Variants in GSE1 observed in about 807,000 individuals in gnomAD.
GSE1 encodes the protein Gse1 coiled-coil protein.
Under a neutral mutation model 112.6 loss-of-function variants are expected in GSE1, and 32 were observed. The ratio of observed to expected loss-of-function variants is 0.28; its 90% confidence interval spans 0.21 to 0.38. The LOEUF is 0.38. GSE1 is among the 10% of genes least tolerant of loss of function. The pLI, the probability that GSE1 is intolerant of heterozygous loss-of-function variation, is 1.00. For missense variants in GSE1, 2,348 were observed against 1,699.2 expected (o/e 1.38, Z -6.71); for synonymous variants, 1,115 against 735.6 (o/e 1.52, Z -8.35).
At chr16:85,569,548 C>T (rs2045895818) in intron 1 of GSE1, among the ~76,000 whole-genome samples, 1 of 152,200 alleles carries the variant, frequency 6.6e-6, no homozygotes. Flanking sequence ...AGTGTGGTGT[C>T]TAGGCTGTCA....
intron 1 of GSE1, among the ~76,000 whole-genome samples, chr16:85,267,071 G>A (rs990172294): frequency 2.6e-5 from 4 of 152,166 alleles, no homozygotes; most frequent in Non-Finnish European, 5.9e-5. Context: ...TGCGTCTCCC[G>A]CTCAGCTAAT....
At chr16:85,200,162 T>C (rs2075002085) in intron 1 of GSE1, among the ~76,000 whole-genome samples, 1 of 152,148 alleles carries the variant, frequency 6.6e-6, no homozygotes, top group South Asian at 2.1e-4. Context: ...CCTTCAAATA[T>C]GCTCGGATCC....
chr16:85,337,061 C>T (rs917451980), intron 1 of GSE1, among the ~76,000 whole-genome samples: 5 of 152,232 alleles, frequency 3.3e-5, no homozygotes, highest in Admixed American at 1.3e-4. Context: ...CATATGCACA[C>T]ACCCTGGGTC....
At chr16:85,397,685 T>A (rs533189131) in intron 2 of GSE1, among the ~76,000 whole-genome samples, 25 of 152,338 alleles carry the variant, frequency 1.6e-4, no homozygotes, top group Non-Finnish European at 3.2e-4. Flanking sequence ...TGGCCCCCTC[T>A]GGAGGACGCG....
In GSE1 at chr16:85,672,548, C is replaced by T; in HGVS notation, c.*9C>T. The T allele has an allele frequency of 6.3e-7, 1 of 1,594,046 alleles. No homozygotes were observed. The highest frequency in any genetic ancestry group is 8.6e-7 in the Non-Finnish European group (1 of 1,164,514). On this transcript the variant is annotated 3_prime_UTR_variant, in exon 16 of 16. Coordinates refer to ENST00000253458, the MANE Select transcript of GSE1 (RefSeq NM_014615.5). Reference sequence around the variant, plus strand: ...AGGGATATCCCAGGTGACGGTTTCCCTTGCACTAGGCCGAACCTATAGTAT... The same window carrying T: ...AGGGATATCCCAGGTGACGGTTTCCTTTGCACTAGGCCGAACCTATAGTAT...
intron 1 of GSE1, among the ~76,000 whole-genome samples, chr16:85,214,730 C>A (rs1341190845): frequency 6.6e-6 from 1 of 152,160 alleles, no homozygotes; most frequent in East Asian, 1.9e-4. Flanking sequence ...GGGGTGCAGG[C>A]GACTAGAGCC....
intron 1 of GSE1, among the ~76,000 whole-genome samples, chr16:85,271,146 T>C (rs1908790433): frequency 6.6e-6 from 1 of 152,036 alleles, no homozygotes; most frequent in African/African-American, 2.4e-5. Flanking sequence ...TACTAGTGTC[T>C]GTGGGAATTG....
intron 1 of GSE1, among the ~76,000 whole-genome samples, chr16:85,309,807 G>A (rs951378867): frequency 4.6e-5 from 7 of 152,376 alleles, no homozygotes; most frequent in East Asian, 1.9e-4. Context: ...TTGGGGTTTC[G>A]GGTGAAGGGT....
chr16:85,662,416 A>T (rs1050295583), intron 9 of GSE1: 1 of 153,264 alleles, frequency 6.5e-6, no homozygotes, highest in African/African-American at 2.4e-5. Flanking sequence ...CCTCCTCTTC[A>T]ATAGAAGCTG....
chr16:85,207,667 A>C (rs1313919292), intron 1 of GSE1: 3 of 152,208 alleles, frequency 2.0e-5, no homozygotes, highest in Non-Finnish European at 4.4e-5. Context: ...TCTGCCGTTG[A>C]CCAGCGGGGT....
chr16:85,284,396 C>T (rs572053029), intron 1 of GSE1, among the ~76,000 whole-genome samples: 5 of 152,324 alleles, frequency 3.3e-5, no homozygotes, highest in South Asian at 2.1e-4. Context: ...ATCTGCTCGG[C>T]GAGGACTCTG....
At chr16:85,664,708 A>G (rs1032688798) in intron 11 of GSE1, 5 of 249,884 alleles carry the variant, frequency 2.0e-5, no homozygotes, top group African/African-American at 6.7e-5. Context: ...CTGACTTGAA[A>G]TAAGAATACA....
chr16:85,419,451 C>A lies in GSE1; in HGVS notation c.2464+61808C>A, dbSNP rs932984894. ...AACATAGTGAGACCCTGTCTACGAA[C>A]AAAAGTTAGCCAGGCGTGGTGGTGC... On this transcript the variant is annotated intron_variant, in intron 2 of 2. Coordinates refer to the GSE1 transcript ENST00000637419. This position sits in a 1 kb window ranked among gnomAD's most constrained non-coding sequence, Gnocchi z 6.5. Among the ~76,000 whole-genome samples the A allele has an allele frequency of 1.3e-5, 2 of 151,712 alleles. No individual in the cohort carries two copies. Among genetic ancestry groups the A allele is most frequent in the Admixed American group, 6.6e-5 (1 of 15,240 alleles).
chr16:85,541,236 G>A (rs1241841829), intron 2 of GSE1, among the ~76,000 whole-genome samples: 1 of 152,244 alleles, frequency 6.6e-6, no homozygotes, highest in Non-Finnish European at 1.5e-5. Context: ...CCACCTGGGG[G>A]TTCCCCGGGA....
At chr16:85,556,122 C>T (rs762559173) in exon 1 of GSE1, 6 of 980,996 alleles carry the variant, frequency 6.1e-6, no homozygotes, top group Non-Finnish European at 7.2e-6. Flanking sequence ...GGAGAGAGAG[C>T]CTTTTGATCA....
At chr16:85,587,221 A>G (rs1334450656) in intron 1 of GSE1, among the ~76,000 whole-genome samples, 2 of 151,638 alleles carry the variant, frequency 1.3e-5, no homozygotes, top group African/African-American at 4.8e-5. Flanking sequence ...GCCGTGGAAG[A>G]TGAAAACAGG....
At chr16:85,215,659 CAGCA>C (rs1273874715) in intron 1 of GSE1, among the ~76,000 whole-genome samples, 1 of 152,236 alleles carries the variant, frequency 6.6e-6, no homozygotes, top group African/African-American at 2.4e-5. Context: ...TTTGTTCACT[CAGCA>C]AACATTCACA....
intron 1 of GSE1, among the ~76,000 whole-genome samples, chr16:85,560,150 T>TA (rs1555532630): frequency 0.059 from 8,489 of 144,644 alleles, 280 homozygotes; most frequent in Middle Eastern, 0.11. Context: ...TTTTTTTTTT[T>TA]ATGTGAGACG....
intron 1 of GSE1, among the ~76,000 whole-genome samples, chr16:85,619,892 G>C (rs2048621724): frequency 1.3e-5 from 2 of 152,114 alleles, no homozygotes; most frequent in Admixed American, 1.3e-4. Flanking sequence ...TGGTAGAGGA[G>C]CAGAAACCCA....
Sources: allele counts gnomAD v4.1 joint callset (sites outside exome capture counted in the v4.1 genomes callset), GRCh38; gene constraint gnomAD v4.1.1; non-coding constraint Gnocchi (gnomAD v3.1); transcripts MANE v1.5; gene names NCBI Gene and HGNC (gene_info 2026-07-23, HGNC 2026-07-21).